BANP: variants seen among roughly 807,000 people sequenced by gnomAD.
BANP encodes the protein protein BANP.
BANP carries 11 observed loss-of-function variants against 68.1 expected under a neutral mutation model. The observed-to-expected ratio is 0.16, with a 90% CI of 0.10 to 0.27. The LOEUF (loss-of-function observed/expected upper bound fraction) is 0.27. Ranked by LOEUF, BANP falls within the 10% of genes least tolerant of loss-of-function variation. The probability of loss-of-function intolerance (pLI) is 1.00; values close to 1 mark genes in which losing one functional copy is unlikely to be tolerated. For missense variants in BANP, 504 were observed against 722.7 expected, an observed-to-expected ratio of 0.70 and a Z score of 3.47; for synonymous variants, 329 against 303.2, an observed-to-expected ratio of 1.09 and a Z score of -0.88.
chr16:87,994,431 T>C (rs571389678), intron 4 of BANP, among the ~76,000 whole-genome samples: 37 of 152,366 alleles, frequency 2.4e-4, no homozygotes, highest in Admixed American at 3.3e-4. Flanking sequence ...TCAAAGCCAA[T>C]TGCCAGAAGC....
At chr16:88,075,676 C>G (rs968670895) in intron 13 of BANP, among the ~76,000 whole-genome samples, 4 of 151,798 alleles carry the variant, frequency 2.6e-5, no homozygotes, top group African/African-American at 9.7e-5. Flanking sequence ...GCTCCTCCAC[C>G]TGGGGCGTGT....
intron 6 of BANP, among the ~76,000 whole-genome samples, chr16:88,014,384 T>A (rs1293264904): frequency 6.6e-6 from 1 of 150,598 alleles, no homozygotes; most frequent in African/African-American, 2.5e-5. Context: ...ACGGAGGTGG[T>A]GGGTGGCAGC....
intron 1 of BANP, among the ~76,000 whole-genome samples, chr16:87,955,339 G>A (rs1321068522): frequency 2.6e-5 from 4 of 152,222 alleles, no homozygotes; most frequent in Non-Finnish European, 4.4e-5. Flanking sequence ...AGGTTCTCGT[G>A]CAGAATCAGA....
chr16:87,963,380 A>G (rs761388385), intron 1 of BANP: 1 of 152,248 alleles, frequency 6.6e-6, no homozygotes, highest in Non-Finnish European at 1.5e-5. Context: ...TATTTTTGCC[A>G]TCTGTAAAGT....
At position 88,004,481 on chromosome 16, in the gene BANP, C is replaced by T; in HGVS notation, c.479+70C>T. 2.2e-6 allele frequency: 2 copies of T among 902,788 alleles called. No homozygotes were observed. Among genetic ancestry groups the T allele is most frequent in the Admixed American group, 2.5e-5 (1 of 39,326 alleles). 55.9% of individuals were successfully genotyped at this position (902,788 alleles called of 1,614,324 possible). On this transcript the variant is annotated intron_variant, in intron 5 of 13. Transcript: ENST00000682872. The surrounding 1 kb of genome is among the most constrained non-coding windows in gnomAD (Gnocchi z 7.0). The stretch of plus-strand genomic sequence containing the variant: ...GAGTCCCATGAGAATAAGTCAACGT[C>T]CCTAAGCCAGGGCACAGTCCAGCAC...
chr16:88,056,720 A>G (rs7501226), intron 11 of BANP, among the ~76,000 whole-genome samples: 18,303 of 152,228 alleles, frequency 0.12, 2,291 homozygotes, highest in African/African-American at 0.32. Flanking sequence ...GATGATTCGA[A>G]GATTGTTTTT....
intron 13 of BANP, among the ~76,000 whole-genome samples, chr16:88,074,951 C>T (rs185108021): frequency 1.2e-4 from 18 of 152,346 alleles, no homozygotes; most frequent in Admixed American, 1.0e-3. Context: ...TGCCTGTAAT[C>T]CCAGTGCTTT....
At chr16:88,058,831 G>A (rs989273841) in intron 11 of BANP, among the ~76,000 whole-genome samples, 3 of 152,238 alleles carry the variant, frequency 2.0e-5, no homozygotes, top group East Asian at 3.9e-4. Flanking sequence ...TTATTTTCAT[G>A]TGTAGACAAT....
intron 2 of BANP, 67 bp downstream of exon 2, chr16:87,975,252 C>G (rs761481031): frequency 1.1e-5 from 16 of 1,491,592 alleles, no homozygotes; most frequent in Non-Finnish European, 1.5e-5. Context: ...AAAGCTGCTC[C>G]AGTTATTTTC....
In BANP at chr16:88,065,247, C is replaced by T. The variant is rs749026758; in HGVS notation, c.1312-20C>T. Reference sequence around the variant, plus strand: ...CTTCTGGAGGCTCCAGGGGAAAATTCGTTTTCTTGCCTTTTCCAGCTTCTA... The same window carrying T: ...CTTCTGGAGGCTCCAGGGGAAAATTTGTTTTCTTGCCTTTTCCAGCTTCTA... On this transcript the variant is annotated intron_variant, in intron 11 of 13. Coordinates refer to ENST00000682872, the MANE Select transcript of BANP (RefSeq NM_001386991.1). 1.4e-5 allele frequency: 10 copies of T among 731,558 alleles called. No individual in the cohort carries two copies. The highest frequency in any genetic ancestry group is 3.4e-5 in the African/African-American group (2 of 58,130). 45.3% of individuals were successfully genotyped at this position (731,558 alleles called of 1,614,324 possible).
At chr16:87,953,467 G>A (rs544241511) in intron 1 of BANP, among the ~76,000 whole-genome samples, 1 of 152,270 alleles carries the variant, frequency 6.6e-6, no homozygotes, top group Non-Finnish European at 1.5e-5. Flanking sequence ...CTCCTTAGTA[G>A]CCGCTAATAC....
intron 3 of BANP, among the ~76,000 whole-genome samples, chr16:87,981,927 C>T (rs2063351272): frequency 6.6e-6 from 1 of 152,182 alleles, no homozygotes; most frequent in African/African-American, 2.4e-5. Flanking sequence ...AATATCGGCA[C>T]ATGTGAGAAG....
At chr16:88,041,578 G>A (rs1292229714) in intron 11 of BANP, among the ~76,000 whole-genome samples, 1 of 152,194 alleles carries the variant, frequency 6.6e-6, no homozygotes, top group Non-Finnish European at 1.5e-5. Context: ...CTGAGAGATG[G>A]AATGCCCTGT....
At chr16:88,058,935 C>T (rs1239187079) in intron 11 of BANP, among the ~76,000 whole-genome samples, 2 of 152,192 alleles carry the variant, frequency 1.3e-5, no homozygotes, top group Non-Finnish European at 2.9e-5. Flanking sequence ...GCTTTTCCTT[C>T]TGCCTCCTGG....
At chr16:88,043,246 C>A (rs539586837) in intron 11 of BANP, among the ~76,000 whole-genome samples, 8 of 152,334 alleles carry the variant, frequency 5.3e-5, no homozygotes, top group African/African-American at 1.9e-4. Context: ...TGGTTCTGGT[C>A]ATGGCTCCAG....
At chr16:88,029,306 C>CAAA (rs59989652) in intron 8 of BANP, among the ~76,000 whole-genome samples, 6 of 55,768 alleles carry the variant, frequency 1.1e-4, no homozygotes, top group African/African-American at 1.5e-4. Context: ...GACTGTATCT[C>CAAA]AAAAAAAAAA....
chr16:87,987,542 AG>A (rs200181644), intron 4 of BANP, among the ~76,000 whole-genome samples: 1,818 of 151,880 alleles, frequency 0.012, 13 homozygotes, highest in Middle Eastern at 0.021. Flanking sequence ...TGGGCAACGT[AG>A]TGAGACCCCC....
chr16:88,022,079 T>C (rs1040902526), intron 7 of BANP, among the ~76,000 whole-genome samples: 5 of 152,210 alleles, frequency 3.3e-5, no homozygotes, highest in African/African-American at 1.2e-4. Context: ...TTTGGGCAGC[T>C]AACCAAATTT....
intron 6 of BANP, among the ~76,000 whole-genome samples, chr16:88,015,978 G>A (rs992900543): frequency 5.9e-5 from 9 of 152,156 alleles, no homozygotes; most frequent in Non-Finnish European, 1.3e-4. Context: ...TTGGGAGTCC[G>A]GGGACCTTGC....
Sources: allele counts gnomAD v4.1 joint callset (sites outside exome capture counted in the v4.1 genomes callset), GRCh38; gene constraint gnomAD v4.1.1; non-coding constraint Gnocchi (gnomAD v3.1); transcripts MANE v1.5; gene names NCBI Gene and HGNC (gene_info 2026-07-23, HGNC 2026-07-21).